The following SGMS1 variants were observed in gnomAD, a reference collection of about 807,000 sequenced individuals.
The protein encoded by SGMS1 is phosphatidylcholine:ceramide cholinephosphotransferase 1.
In SGMS1, 13 loss-of-function variants were observed where a neutral mutation model predicts 46.2. The ratio of observed to expected loss-of-function variants is 0.28; its 90% CI spans 0.18 to 0.45. The LOEUF is 0.45. Ranked by LOEUF, SGMS1 falls within the 20% of genes least tolerant of loss-of-function variation. SGMS1 has a pLI of 1.00. For missense variants in SGMS1, 324 were observed against 519.9 expected, an observed-to-expected ratio of 0.62 and a Z score of 3.66; for synonymous variants, 203 against 187.8, an observed-to-expected ratio of 1.08 and a Z score of -0.66.
chr10:50,368,729 C>T (rs1848389438), intron 6 of SGMS1, among the ~76,000 whole-genome samples: 1 of 152,146 alleles, frequency 6.6e-6, no homozygotes, highest in African/African-American at 2.4e-5. Context: ...TAGAGCCTTG[C>T]AATTAATCAA....
intron 6 of SGMS1, among the ~76,000 whole-genome samples, chr10:50,390,363 C>G (rs972574244): frequency 6.6e-6 from 1 of 152,166 alleles, no homozygotes; most frequent in Non-Finnish European, 1.5e-5. Flanking sequence ...TTATGCTTTA[C>G]TGAATAAAGC....
At chr10:50,429,133 G>A (rs563926823) in intron 6 of SGMS1, among the ~76,000 whole-genome samples, 143 of 152,264 alleles carry the variant, frequency 9.4e-4, no homozygotes, top group South Asian at 3.5e-3. Context: ...TCATTAAGTC[G>A]AATCATTGTA....
intron 2 of SGMS1, among the ~76,000 whole-genome samples, chr10:50,526,362 T>A (rs1253965048): frequency 6.6e-6 from 1 of 152,012 alleles, no homozygotes; most frequent in East Asian, 1.9e-4. Context: ...ATGGGGGATA[T>A]CTGCCCCCAT....
chr10:50,545,408 G>C (rs1185433922), intron 2 of SGMS1, among the ~76,000 whole-genome samples: 1 of 152,054 alleles, frequency 6.6e-6, no homozygotes, highest in Non-Finnish European at 1.5e-5. Flanking sequence ...GTCTGAAAAG[G>C]AAAGGGTTTT....
intron 1 of SGMS1, among the ~76,000 whole-genome samples, chr10:50,594,284 C>G (rs1238528286): frequency 6.6e-6 from 1 of 152,162 alleles, no homozygotes; most frequent in East Asian, 1.9e-4. Context: ...CCACACACTG[C>G]CCATGGGTAT....
chr10:50,601,104 AGGGCAGAAAAT>A (rs1330762526), intron 1 of SGMS1, among the ~76,000 whole-genome samples: 1 of 152,216 alleles, frequency 6.6e-6, no homozygotes, highest in Admixed American at 6.5e-5. Flanking sequence ...GAAATGAAGA[AGGGCAGAAAAT>A]GGGCAGCTGT....
intron 2 of SGMS1, among the ~76,000 whole-genome samples, chr10:50,583,066 T>C (rs1838449897): frequency 6.6e-6 from 1 of 152,158 alleles, no homozygotes; most frequent in Non-Finnish European, 1.5e-5. Context: ...AAATGTCCAT[T>C]AATTCGATCC....
At chr10:50,605,527 C>A (rs543758923) in intron 1 of SGMS1, among the ~76,000 whole-genome samples, 7 of 152,186 alleles carry the variant, frequency 4.6e-5, no homozygotes, top group African/African-American at 7.2e-5. Flanking sequence ...TCCAACAACC[C>A]TGACAGGACT....
At chr10:50,470,599 TC>T (rs963845742) in intron 3 of SGMS1, among the ~76,000 whole-genome samples, 4 of 151,926 alleles carry the variant, frequency 2.6e-5, no homozygotes, top group African/African-American at 9.7e-5. Context: ...CTGGTAGCTC[TC>T]TTCACAAGGG....
At chr10:50,476,083 C>T in intron 3 of SGMS1, among the ~76,000 whole-genome samples, 1 of 63,526 alleles carries the variant, frequency 1.6e-5, no homozygotes, top group African/African-American at 6.1e-5. Flanking sequence ...AAAATCTTGT[C>T]TTTACTAAAA....
chr10:50,337,326 C>T (rs1847731940), intron 7 of SGMS1, among the ~76,000 whole-genome samples: 1 of 152,068 alleles, frequency 6.6e-6, no homozygotes. Flanking sequence ...TTCTGAAGCT[C>T]CATTAAAGAC....
chr10:50,491,082 C>T (rs1434666252), intron 3 of SGMS1, among the ~76,000 whole-genome samples: 1 of 152,172 alleles, frequency 6.6e-6, no homozygotes. Flanking sequence ...TACAGTGGCT[C>T]ATGCCTGTAA....
At chr10:50,503,862 G>A (rs1377834368) in intron 3 of SGMS1, among the ~76,000 whole-genome samples, 1 of 152,236 alleles carries the variant, frequency 6.6e-6, no homozygotes, top group African/African-American at 2.4e-5. Flanking sequence ...ACAGAGGGCT[G>A]TCAACATATG....
chr10:50,476,095 T>TCC (rs1837424010), intron 3 of SGMS1, among the ~76,000 whole-genome samples: 6 of 1,190 alleles, frequency 5.0e-3, no homozygotes, highest in Admixed American at 0.02. Context: ...TTACTAAAAA[T>TCC]ACAAAAAAAA....
At chr10:50,439,614 G>C (rs1055225246) in intron 5 of SGMS1, among the ~76,000 whole-genome samples, 1 of 152,158 alleles carries the variant, frequency 6.6e-6, no homozygotes, top group African/African-American at 2.4e-5. Flanking sequence ...AACATTTCAT[G>C]ACACTATAAA....
intron 5 of SGMS1, among the ~76,000 whole-genome samples, chr10:50,442,055 T>A (rs1451363731): frequency 2.0e-5 from 3 of 152,342 alleles, no homozygotes; most frequent in Non-Finnish European, 4.4e-5. Context: ...TTTATTTTTT[T>A]ATTTTTTTAA....
intron 6 of SGMS1, 30 bp from the exon 7 acceptor site, chr10:50,344,375 C>T (rs1589395648): frequency 2.3e-6 from 1 of 427,332 alleles, no homozygotes; most frequent in South Asian, 5.8e-5. Flanking sequence ...TATCAAGATG[C>T]TGTACTTCCA....
chr10:50,372,314 C>T (rs1389246462), intron 6 of SGMS1, among the ~76,000 whole-genome samples: 1 of 152,084 alleles, frequency 6.6e-6, no homozygotes, highest in Admixed American at 6.6e-5. Flanking sequence ...ACTTACTTTT[C>T]CCCAAATATA....
At chr10:50,494,317 T>A (rs1413493516) in intron 3 of SGMS1, among the ~76,000 whole-genome samples, 1 of 152,222 alleles carries the variant, frequency 6.6e-6, no homozygotes, top group East Asian at 1.9e-4. Flanking sequence ...ATTATAAAGA[T>A]ACATGCATGC....
Sources: gnomAD v4.1 joint callset for allele counts (sites outside exome capture counted in the v4.1 genomes callset) on GRCh38, gnomAD v4.1.1 for gene constraint, MANE v1.5 for transcripts, NCBI Gene and HGNC (gene_info 2026-07-23, HGNC 2026-07-21) for gene names.